Variants in VDR observed in about 807,000 individuals in gnomAD.
VDR encodes the protein vitamin D3 receptor.
A neutral mutation model predicts 39.7 loss-of-function variants in VDR; 19 were observed. The observed-to-expected ratio is 0.48, with a 90% CI of 0.33 to 0.70. VDR has a LOEUF of 0.70. Among genes scored for constraint, VDR ranks in the 30% least tolerant of loss-of-function variants. The pLI, the probability that VDR is intolerant of heterozygous loss-of-function variation, is 0.02. For synonymous variants in VDR, 242 were observed against 215.8 expected (o/e 1.12, Z -1.07); for missense variants, 442 against 570.5 (o/e 0.77, Z 2.29).
intron 7 of VDR, among the ~76,000 whole-genome samples, chr12:47,847,570 A>G (rs1001850380): frequency 9.4e-5 from 14 of 148,318 alleles, no homozygotes; most frequent in Admixed American, 2.7e-4. Context: ...GTGTGTTCTC[A>G]CTGTGCCTTT....
intron 7 of VDR, among the ~76,000 whole-genome samples, chr12:47,848,041 A>G (rs532569779): frequency 6.6e-6 from 1 of 152,304 alleles, no homozygotes; most frequent in South Asian, 2.1e-4. Flanking sequence ...CTGGGACTAC[A>G]GGTGCCCGCC....
chr12:47,882,982 C>G, intron 1 of VDR: 1 of 519,706 alleles, frequency 1.9e-6, no homozygotes, highest in South Asian at 2.5e-5. Flanking sequence ...CCAGGATGGC[C>G]CTCCCTCGAG....
At chr12:47,899,575 G>T (rs867434251) in intron 1 of VDR, among the ~76,000 whole-genome samples, 2 of 152,366 alleles carry the variant, frequency 1.3e-5, no homozygotes, top group African/African-American at 2.4e-5. Context: ...CAGGCCACTA[G>T]CTTCTAACAG....
At chr12:47,883,537 G>T (rs1946199466) in intron 1 of VDR, among the ~76,000 whole-genome samples, 1 of 152,238 alleles carries the variant, frequency 6.6e-6, no homozygotes, top group South Asian at 2.1e-4. Context: ...GGCCAGCAAG[G>T]AGGGATGGGC....
At chr12:47,860,673 G>A (rs531783453) in intron 4 of VDR, among the ~76,000 whole-genome samples, 11 of 152,280 alleles carry the variant, frequency 7.2e-5, no homozygotes, top group South Asian at 2.1e-4. Context: ...TGTCTGCCCC[G>A]CATTGCATGG....
chr12:47,884,033 C>T (rs1946210016), intron 1 of VDR, among the ~76,000 whole-genome samples: 1 of 152,216 alleles, frequency 6.6e-6, no homozygotes, highest in African/African-American at 2.4e-5. Flanking sequence ...CCTCCTTTGC[C>T]CCCTCTGCTC....
chr12:47,860,730 C>G (rs1244045119), intron 4 of VDR, among the ~76,000 whole-genome samples: 1 of 152,166 alleles, frequency 6.6e-6, no homozygotes, highest in African/African-American at 2.4e-5. Flanking sequence ...TTCTTGCTTC[C>G]AGTGTCCACC....
intron 3 of VDR, 77 bp downstream of exon 3, chr12:47,878,891 C>A (rs1215019631): frequency 6.2e-7 from 1 of 1,609,764 alleles, no homozygotes; most frequent in Non-Finnish European, 8.5e-7. Context: ...GTGAAAAATG[C>A]AAGGGCTCCC....
At chr12:47,863,121 G>T (rs1004914468) in intron 4 of VDR, among the ~76,000 whole-genome samples, 1 of 152,172 alleles carries the variant, frequency 6.6e-6, no homozygotes, top group Admixed American at 6.5e-5. Context: ...GTGCTCCTGG[G>T]CAGGGCCCCC....
intron 1 of VDR, among the ~76,000 whole-genome samples, chr12:47,899,092 C>T (rs1226590830): frequency 6.6e-6 from 1 of 152,140 alleles, no homozygotes; most frequent in Admixed American, 6.5e-5. Flanking sequence ...ACCCAAGTTG[C>T]AGAGAAGCTA....
Position 47,887,034 on chromosome 12 carries a change from G to A in VDR, c.-83-4260C>T, listed in dbSNP as rs139137931. Among the ~76,000 whole-genome samples, 388 of 152,238 alleles carry A rather than the reference G, an allele frequency of 2.5e-3. 4 individuals carry two copies. Among genetic ancestry groups the A allele is most frequent in the East Asian group, 0.025 (127 of 5,180 alleles). On this transcript the variant is annotated intron_variant, in intron 1 of 9. Transcript: ENST00000549336. ...CACATTAGAAAAAGGAGCCCTGGCC[G>A]GGCGCGGTGGCTCATGCCTGTAATC...
In VDR at chr12:47,879,052, G is replaced by A. The variant is rs781313589; in HGVS notation, c.62C>T (p.Pro21Leu). The change falls in exon 3 of 10, where the codon CCC (proline) becomes CTC (leucine). Residue 21 changes from proline to leucine, a missense_variant. Physicochemically the swap from Pro to Leu is moderately conservative, Grantham distance 98. This residue lies in a region of VDR where 141 missense variants were observed against 141.3 expected (regional missense o/e 1.00). Coordinates refer to ENST00000549336, the MANE Select transcript of VDR (RefSeq NM_000376.3). ...PDPGDFDRNV[P>L]RICGVCGDRA... is the part of the protein sequence containing the mutation. ...GTCTCCACACACCCCACAGATCCGG[G>A]GCACGTTCCGGTCAAAGTCTCCAGG... 5.0e-6 allele frequency: 8 copies of A among 1,614,042 alleles called. No individual in the cohort carries two copies. Among genetic ancestry groups the A allele is most frequent in the Non-Finnish European group, 8.5e-7 (1 of 1,180,010 alleles).
intron 3 of VDR, among the ~76,000 whole-genome samples, chr12:47,875,838 G>C (rs1945989280): frequency 6.6e-6 from 1 of 152,166 alleles, no homozygotes; most frequent in Non-Finnish European, 1.5e-5. Flanking sequence ...TTATTCAATA[G>C]ATATTGTTGG....
intron 4 of VDR, among the ~76,000 whole-genome samples, chr12:47,863,935 C>G (rs1307684536): frequency 6.6e-6 from 1 of 152,202 alleles, no homozygotes; most frequent in African/African-American, 2.4e-5. Flanking sequence ...TGTTCTGTGA[C>G]TTATCCTCTG....
intron 3 of VDR, among the ~76,000 whole-genome samples, chr12:47,874,954 A>G (rs1945970349): frequency 6.6e-6 from 1 of 152,192 alleles, no homozygotes; most frequent in Admixed American, 6.5e-5. Flanking sequence ...TATAGCCAAG[A>G]GGTGTCTGGC....
chr12:47,845,278 A>G (rs1158044649), intron 9 of VDR, among the ~76,000 whole-genome samples: 3 of 151,614 alleles, frequency 2.0e-5, no homozygotes, highest in African/African-American at 2.4e-5. Context: ...TCCATCCCTC[A>G]GCGTCCCGAT....
chr12:47,887,117 G>C (rs1262081930), intron 1 of VDR, among the ~76,000 whole-genome samples: 1 of 151,970 alleles, frequency 6.6e-6, no homozygotes. Context: ...TTCGAGACTA[G>C]CCTGGCTAAC....
intron 3 of VDR, among the ~76,000 whole-genome samples, chr12:47,875,774 T>C (rs1268048332): frequency 1.3e-5 from 2 of 152,228 alleles, no homozygotes; most frequent in Admixed American, 6.5e-5. Context: ...AAAATTTTCA[T>C]CAACTGATCA....
chr12:47,878,961 G>A lies in VDR; in HGVS notation c.146+7C>T, dbSNP rs1946073800. On this transcript the variant is annotated splice_region_variant and intron_variant, in intron 3 of 9. Transcript: ENST00000549336. Reference sequence around the variant, plus strand: ...TCCACTGGGGAGAGCCTGGGAGGAGGGCTCACCTGAAGAAGCCTTTGCAGC... The same window carrying A: ...TCCACTGGGGAGAGCCTGGGAGGAGAGCTCACCTGAAGAAGCCTTTGCAGC... 3.1e-6 allele frequency: 5 copies of A among 1,614,134 alleles called. No individual in the cohort carries two copies. The highest frequency in any genetic ancestry group is 1.7e-6 in the Non-Finnish European group (2 of 1,180,018).
Sources: gnomAD v4.1 joint callset for allele counts (sites outside exome capture counted in the v4.1 genomes callset) on GRCh38, gnomAD v4.1.1 for gene constraint, gnomAD v4.1.1 regional missense constraint, MANE v1.5 for transcripts, NCBI Gene and HGNC (gene_info 2026-07-23, HGNC 2026-07-21) for gene names.